The following CLSTN2 variants were observed in gnomAD, a reference collection of about 807,000 sequenced individuals.
CLSTN2 encodes the protein calsyntenin 2.
A neutral mutation model predicts 101.2 loss-of-function variants in CLSTN2; 48 were observed. The ratio of observed to expected loss-of-function variants is 0.47; its 90% confidence interval spans 0.38 to 0.60. The LOEUF (loss-of-function observed/expected upper bound fraction) is 0.60. Ranked by LOEUF, CLSTN2 falls within the 20% of genes least tolerant of loss-of-function variation. CLSTN2 has a pLI of 0.00. For missense variants in CLSTN2, 1,160 were observed against 1,238.2 expected, an observed-to-expected ratio of 0.94 and a Z score of 0.95; for synonymous variants, 481 against 463.6, an observed-to-expected ratio of 1.04 and a Z score of -0.48.
chr3:139,970,624 G>A (rs766583367), intron 1 of CLSTN2, among the ~76,000 whole-genome samples: 34 of 152,144 alleles, frequency 2.2e-4, no homozygotes, highest in Non-Finnish European at 2.9e-4. Flanking sequence ...ATGGCTTTGC[G>A]TGCCTCATCC....
At chr3:140,500,382 T>C (rs541548742) in intron 8 of CLSTN2, among the ~76,000 whole-genome samples, 15 of 152,198 alleles carry the variant, frequency 9.9e-5, no homozygotes, top group African/African-American at 3.6e-4. Context: ...AGAATATCTG[T>C]GAGGGAAGGA....
At chr3:139,979,291 G>C (rs183248799) in intron 1 of CLSTN2, among the ~76,000 whole-genome samples, 1 of 152,322 alleles carries the variant, frequency 6.6e-6, no homozygotes, top group African/African-American at 2.4e-5. Context: ...AGCCCTTAAG[G>C]TTTCTCACCT....
chr3:140,486,271 G>A (rs201734381), intron 8 of CLSTN2, among the ~76,000 whole-genome samples: 2 of 113,120 alleles, frequency 1.8e-5, no homozygotes, highest in Non-Finnish European at 3.5e-5. Flanking sequence ...CAGATTCATA[G>A]GAAAGAAAGA....
At chr3:140,054,007 C>T (rs1007333129) in intron 1 of CLSTN2, among the ~76,000 whole-genome samples, 10 of 152,118 alleles carry the variant, frequency 6.6e-5, no homozygotes, top group South Asian at 4.1e-4. Flanking sequence ...AGCTGGTCCT[C>T]GGGCAGCTAC....
At chr3:140,348,178 T>C (rs1446274379) in intron 2 of CLSTN2, among the ~76,000 whole-genome samples, 1 of 152,222 alleles carries the variant, frequency 6.6e-6, no homozygotes, top group African/African-American at 2.4e-5. Context: ...GTTACCAACA[T>C]GGAAGTAGTG....
Position 140,428,950 on chromosome 3 carries a change from G to A in CLSTN2, c.787+7676G>A, listed in dbSNP as rs1185664843. Among the ~76,000 whole-genome samples, 4 of 152,090 alleles carry A rather than the reference G, an allele frequency of 2.6e-5. No homozygotes were observed. In the South Asian group the frequency reaches 6.2e-4, roughly 24 times the overall value. ...GGGATCTTGGTAAAATGCAGATCCC[G>A]ATTTAACAAGTCTGGGGTAGGTCTG... On this transcript the variant is annotated intron_variant, in intron 5 of 16. Transcript: ENST00000458420.
At chr3:140,271,370 G>T (rs958152066) in intron 2 of CLSTN2, among the ~76,000 whole-genome samples, 1 of 152,280 alleles carries the variant, frequency 6.6e-6, no homozygotes, top group South Asian at 2.1e-4. Context: ...CTGTTTAGCT[G>T]TTATAACAAT....
chr3:140,478,152 C>G (rs1229099366), intron 8 of CLSTN2, among the ~76,000 whole-genome samples: 5 of 152,048 alleles, frequency 3.3e-5, no homozygotes, highest in Non-Finnish European at 2.9e-5. Context: ...TCTTGTTCAC[C>G]TTTTTAATTT....
chr3:140,201,048 C>T (rs2010711846), intron 2 of CLSTN2, among the ~76,000 whole-genome samples: 1 of 152,208 alleles, frequency 6.6e-6, no homozygotes, highest in South Asian at 2.1e-4. Context: ...CTGTTAAATA[C>T]AAATCTACAT....
At chr3:140,334,747 A>G (rs2087423900) in intron 2 of CLSTN2, among the ~76,000 whole-genome samples, 1 of 152,210 alleles carries the variant, frequency 6.6e-6, no homozygotes, top group Non-Finnish European at 1.5e-5. Flanking sequence ...GCGGAAACAG[A>G]AGGTGGCAGA....
intron 1 of CLSTN2, among the ~76,000 whole-genome samples, chr3:139,982,128 T>G (rs970074460): frequency 1.3e-5 from 2 of 152,196 alleles, no homozygotes. Context: ...TTTTCCTAAC[T>G]GAATTAAGTG....
At chr3:140,052,638 G>A (rs370107133) in intron 1 of CLSTN2, among the ~76,000 whole-genome samples, 6 of 152,256 alleles carry the variant, frequency 3.9e-5, no homozygotes, top group South Asian at 4.1e-4. Flanking sequence ...CCACAAAGTC[G>A]GATTGGAAAT....
chr3:140,365,363 A>G (rs1358840217), intron 2 of CLSTN2, among the ~76,000 whole-genome samples: 2 of 152,116 alleles, frequency 1.3e-5, no homozygotes, highest in African/African-American at 2.4e-5. Context: ...AGGAGAAGAT[A>G]TTCCCATTTC....
intron 1 of CLSTN2, among the ~76,000 whole-genome samples, chr3:139,947,067 T>C (rs146557122): frequency 7.9e-5 from 12 of 152,356 alleles, no homozygotes; most frequent in African/African-American, 2.9e-4. Flanking sequence ...TCACACTATA[T>C]TCCACAAACC....
intron 1 of CLSTN2, among the ~76,000 whole-genome samples, chr3:140,160,234 G>C (rs981200797): frequency 4.6e-5 from 7 of 152,170 alleles, no homozygotes; most frequent in Admixed American, 4.6e-4. Flanking sequence ...TATATTTAGA[G>C]TTTCTGTAAA....
intron 1 of CLSTN2, among the ~76,000 whole-genome samples, chr3:140,143,671 C>G (rs970224236): frequency 2.0e-5 from 3 of 152,150 alleles, no homozygotes; most frequent in African/African-American, 7.2e-5. Flanking sequence ...CTGGGTGTGC[C>G]CAGTCCCACC....
intron 2 of CLSTN2, among the ~76,000 whole-genome samples, chr3:140,319,548 G>A (rs1308776374): frequency 6.6e-6 from 1 of 152,196 alleles, no homozygotes; most frequent in Non-Finnish European, 1.5e-5. Flanking sequence ...AAGTAATCAG[G>A]CTGCCCCTGT....
intron 8 of CLSTN2, among the ~76,000 whole-genome samples, chr3:140,527,731 G>GCAGC (rs1445092063): frequency 6.6e-6 from 1 of 152,144 alleles, no homozygotes; most frequent in Non-Finnish European, 1.5e-5. Flanking sequence ...GGAATACTAT[G>GCAGC]CAGCCATAAG....
intron 8 of CLSTN2, among the ~76,000 whole-genome samples, chr3:140,519,993 G>C (rs1934994493): frequency 6.6e-6 from 1 of 152,222 alleles, no homozygotes; most frequent in African/African-American, 2.4e-5. Flanking sequence ...CTCTTGCAAG[G>C]CTGGCCTGAT....
Sources: gnomAD v4.1 joint callset for allele counts (sites outside exome capture counted in the v4.1 genomes callset) on GRCh38, gnomAD v4.1.1 for gene constraint, MANE v1.5 for transcripts, NCBI Gene and HGNC (gene_info 2026-07-23, HGNC 2026-07-21) for gene names.